Variants in LAMC3 observed in about 807,000 individuals in gnomAD.
LAMC3 encodes the protein laminin subunit gamma 3, also known as laminin subunit gamma-3.
Under a neutral mutation model 173.8 loss-of-function variants are expected in LAMC3, and 128 were observed. That is an observed-to-expected ratio of 0.74 (90% confidence interval 0.64 to 0.85). LAMC3 has a LOEUF of 0.85. Among genes scored for constraint, LAMC3 ranks in the 40% least tolerant of loss-of-function variants. The pLI is 0.00. For synonymous variants in LAMC3, 897 were observed against 909.1 expected (o/e 0.99, Z 0.24); for missense variants, 2,022 against 2,156.0 (o/e 0.94, Z 1.23).
chr9:131,053,035 C>T lies in LAMC3; in HGVS notation c.1939+70C>T, dbSNP rs1335076775. 35 of 1,159,908 alleles carry T rather than the reference C, an allele frequency of 3.0e-5. No individual in the cohort carries two copies. In the Middle Eastern group the frequency reaches 7.6e-4, roughly 25 times the overall value. 71.9% of individuals were successfully genotyped at this position (1,159,908 alleles called of 1,614,324 possible). A position where few individuals can be genotyped will look rare whatever the true frequency, so the allele number is the denominator to read the frequency against. The stretch of plus-strand genomic sequence containing the variant: ...GTCTCAGAACTGGGCTGGGCTCCGG[C>T]GGTCACAGTCTTGTCAGGGCCTTGC... On this transcript the variant is annotated intron_variant, in intron 11 of 27. Coordinates refer to ENST00000361069, the MANE Select transcript of LAMC3 (RefSeq NM_006059.4).
chr9:131,035,576 A>G (rs1194621455), intron 3 of LAMC3, among the ~76,000 whole-genome samples: 3 of 152,204 alleles, frequency 2.0e-5, no homozygotes, highest in African/African-American at 7.2e-5. Context: ...CCCACCTCCA[A>G]CATTGGGGAT....
At chr9:131,083,183 G>C (rs915399) in intron 24 of LAMC3, among the ~76,000 whole-genome samples, 2 of 152,064 alleles carry the variant, frequency 1.3e-5, no homozygotes, top group Non-Finnish European at 2.9e-5. Flanking sequence ...CAGTGGACTC[G>C]CCCACCCTCA....
At chr9:131,086,575 C>CTTTTTTT (rs778812487) in intron 25 of LAMC3, among the ~76,000 whole-genome samples, 7 of 92,480 alleles carry the variant, frequency 7.6e-5, no homozygotes, top group African/African-American at 1.9e-4. Flanking sequence ...GCCTGGCTAA[C>CTTTTTTT]TTTTTTTTTT....
chr9:131,071,193 A>G (rs1308229812), intron 17 of LAMC3, among the ~76,000 whole-genome samples: 1 of 152,192 alleles, frequency 6.6e-6, no homozygotes, highest in Admixed American at 6.5e-5. Flanking sequence ...ACAGGCAGAA[A>G]TCCTCGTGGG....
Position 131,069,053 on chromosome 9 carries a change from AAGG to A in LAMC3, c.2890+7_2890+9del, listed in dbSNP as rs1204839408. 2.5e-6 allele frequency: 4 copies of A among 1,613,212 alleles called. No homozygotes were observed. The Admixed American group carries it at 6.7e-5, about 27-fold the overall frequency. Reference sequence around the variant, plus strand: ...CTTCTCCATCAAGGGCTGCCGGGGTAAGGAGGCTGGGTCCTTCCCGGGCTGCCC... The same window carrying A: ...CTTCTCCATCAAGGGCTGCCGGGGTAAGGCTGGGTCCTTCCCGGGCTGCCC... On this transcript the variant is annotated splice_donor_5th_base_variant and intron_variant, in intron 16 of 27. Coordinates refer to ENST00000361069, the MANE Select transcript of LAMC3 (RefSeq NM_006059.4).
At chr9:131,032,948 A>G (rs371991199) in intron 3 of LAMC3, among the ~76,000 whole-genome samples, 13 of 152,214 alleles carry the variant, frequency 8.5e-5, no homozygotes, top group African/African-American at 2.2e-4. Context: ...GATTACAGGC[A>G]TGAGCCACGG....
At chr9:131,040,015 C>CTTT (rs35416772) in intron 6 of LAMC3, among the ~76,000 whole-genome samples, 16 of 127,280 alleles carry the variant, frequency 1.3e-4, no homozygotes, top group Non-Finnish European at 1.8e-4. Flanking sequence ...AATTTAGAAG[C>CTTT]TTTTTTTTTT....
intron 11 of LAMC3, among the ~76,000 whole-genome samples, chr9:131,053,790 G>C (rs976023727): frequency 6.9e-5 from 9 of 130,174 alleles, no homozygotes. Context: ...CCAAGATTGC[G>C]CCACTGCACT....
Position 131,045,533 on chromosome 9 carries a change from G to C in LAMC3, c.1392G>C (p.Pro464=). The change falls in exon 8 of 28, where the codon CCG becomes CCC. Residue 464 remains proline (P), a synonymous_variant. Coordinates refer to ENST00000361069, the MANE Select transcript of LAMC3 (RefSeq NM_006059.4). ...VEGNLCDRCR[P]GTFNLQPHNP... ...CCTGCCTCCATTTCAGATGTCGCCCGGGGACCTTTAACCTGCAGCCCCACA... is the reference window on the plus strand; with the variant it reads ...CCTGCCTCCATTTCAGATGTCGCCCCGGGACCTTTAACCTGCAGCCCCACA... 6.2e-7 allele frequency: 1 copy of C among 1,613,526 alleles called. No individual in the cohort carries two copies. Among genetic ancestry groups the C allele is most frequent in the Non-Finnish European group, 8.5e-7 (1 of 1,180,028 alleles).
At chr9:131,065,059 A>AGAAAAAG in intron 13 of LAMC3, among the ~76,000 whole-genome samples, 1 of 135,282 alleles carries the variant, frequency 7.4e-6, no homozygotes, top group Non-Finnish European at 1.6e-5. Context: ...AAAAAAAAAA[A>AGAAAAAG]GAAAAGGAAA....
chr9:131,050,825 G>A (rs1834268673), intron 9 of LAMC3, among the ~76,000 whole-genome samples: 1 of 152,176 alleles, frequency 6.6e-6, no homozygotes, highest in Admixed American at 6.5e-5. Flanking sequence ...GGCAGTCCCA[G>A]GAGGGGCTGG....
At position 131,026,185 on chromosome 9, in the gene LAMC3, T is replaced by G; in HGVS notation, c.374-100T>G. ...GCTCCAGACAGCTTCCAGCGATCCA[T>G]CCACGCTAGTGCCTGCAATGCAGCC... On this transcript the variant is annotated intron_variant, in intron 1 of 27. Transcript: ENST00000361069. The surrounding 1 kb of genome is among the most constrained non-coding windows in gnomAD (Gnocchi z 4.8). 1 of 1,566,158 alleles carries G rather than the reference T, an allele frequency of 6.4e-7. No homozygotes were observed. The highest frequency in any genetic ancestry group is 8.6e-7 in the Non-Finnish European group (1 of 1,156,550).
At chr9:131,023,732 C>T (rs1833670191) in intron 1 of LAMC3, among the ~76,000 whole-genome samples, 1 of 152,176 alleles carries the variant, frequency 6.6e-6, no homozygotes, top group African/African-American at 2.4e-5. Flanking sequence ...CTCAGCCTCC[C>T]AAGCAGCTTG....
intron 12 of LAMC3, among the ~76,000 whole-genome samples, chr9:131,059,596 G>C (rs1588156413): frequency 6.7e-6 from 1 of 149,094 alleles, no homozygotes; most frequent in African/African-American, 2.5e-5. Flanking sequence ...CTGTCTTCTT[G>C]TGTCCATGGC....
chr9:131,047,315 C>G (rs1191286146), intron 8 of LAMC3, among the ~76,000 whole-genome samples: 4 of 150,918 alleles, frequency 2.7e-5, no homozygotes, highest in Non-Finnish European at 5.9e-5. Flanking sequence ...CAGGCACCCA[C>G]CACCACGCCC....
At chr9:131,078,332 A>G (rs959367284) in intron 22 of LAMC3, among the ~76,000 whole-genome samples, 1 of 152,134 alleles carries the variant, frequency 6.6e-6, no homozygotes, top group Non-Finnish European at 1.5e-5. Flanking sequence ...TCTACTAAAA[A>G]TACAAAAAAA....
At chr9:131,016,932 A>G (rs1363973301) in intron 1 of LAMC3, among the ~76,000 whole-genome samples, 1 of 146,280 alleles carries the variant, frequency 6.8e-6, no homozygotes, top group Non-Finnish European at 1.5e-5. Context: ...ACACATTTCT[A>G]CGATTTTTTT....
chr9:131,044,313 C>A (rs1304177924), intron 7 of LAMC3, among the ~76,000 whole-genome samples: 2 of 151,616 alleles, frequency 1.3e-5, no homozygotes, highest in African/African-American at 4.8e-5. Context: ...AGTTCAAGAC[C>A]AGCCTGGCCA....
rs371681399 is a variant in LAMC3, at chr9:131,061,271, C to T, written c.2347+48C>T. 4.3e-4 allele frequency: 645 copies of T among 1,509,436 alleles called. 3 individuals are homozygous for T. In the South Asian group the frequency reaches 4.7e-3, roughly 11 times the overall value. 93.5% of individuals were successfully genotyped at this position (1,509,436 alleles called of 1,614,324 possible). The stretch of plus-strand genomic sequence containing the variant: ...CCCTGCCCCGCAGAGGGCCAAGCCC[C>T]GGCACTGTGACTATGCCCTGGGCTC... On this transcript the variant is annotated intron_variant, in intron 13 of 27. Coordinates refer to ENST00000361069, the MANE Select transcript of LAMC3 (RefSeq NM_006059.4).
Sources: gnomAD v4.1 joint callset for allele counts (sites outside exome capture counted in the v4.1 genomes callset) on GRCh38, gnomAD v4.1.1 for gene constraint, Gnocchi (gnomAD v3.1) non-coding constraint, MANE v1.5 for transcripts, NCBI Gene and HGNC (gene_info 2026-07-23, HGNC 2026-07-21) for gene names.